Variants in FRMD4B observed in about 807,000 individuals in gnomAD.
FRMD4B encodes the protein FERM domain-containing protein 4B.
In FRMD4B, 74 loss-of-function variants were observed where a neutral mutation model predicts 141.5. The ratio of observed to expected loss-of-function variants is 0.52; its 90% confidence interval spans 0.43 to 0.63. FRMD4B has a LOEUF of 0.63. Among genes scored for constraint, FRMD4B ranks in the 30% least tolerant of loss-of-function variants. The probability of loss-of-function intolerance (pLI) is 0.00; values close to 1 mark genes in which losing one functional copy is unlikely to be tolerated. For synonymous variants in FRMD4B, 506 were observed against 467.9 expected (o/e 1.08, Z -1.05); for missense variants, 1,366 against 1,253.4 (o/e 1.09, Z -1.36).
rs1270266886 is a variant in FRMD4B at position 69,363,392 on chromosome 3, C to CT, written c.162+22435dup. 4.5e-3 allele frequency among the ~76,000 whole-genome samples: 609 copies of CT among 136,406 alleles called. 3 individuals are homozygous for CT. Among genetic ancestry groups the CT allele is most frequent in the South Asian group, 0.021 (88 of 4,204 alleles). 89.5% of individuals were successfully genotyped at this position (136,406 alleles called of 152,430 possible). On this transcript the variant is annotated intron_variant, in intron 1 of 22. Coordinates refer to ENST00000398540, the MANE Select transcript of FRMD4B (RefSeq NM_015123.3). ...GAGCCTCTGCACCTGGCCTCCATGCCTTTTTTTTTTTTTTTGAGACGGAGT... is the reference window on the plus strand; with the variant it reads ...GAGCCTCTGCACCTGGCCTCCATGCCTTTTTTTTTTTTTTTTGAGACGGAGT...
chr3:69,520,779 C>A (rs1700843108), intron 1 of FRMD4B, among the ~76,000 whole-genome samples: 1 of 152,118 alleles, frequency 6.6e-6, no homozygotes, highest in Non-Finnish European at 1.5e-5. Context: ...CTTGAGATCT[C>A]TTCCCAGAAT....
chr3:69,455,424 G>A (rs1298775943), intron 1 of FRMD4B, among the ~76,000 whole-genome samples: 1 of 152,222 alleles, frequency 6.6e-6, no homozygotes, highest in Non-Finnish European at 1.5e-5. Flanking sequence ...AGAACAGTGA[G>A]ACCACGAATG....
chr3:69,424,075 A>G (rs1221774826), intron 2 of FRMD4B, among the ~76,000 whole-genome samples: 1 of 152,224 alleles, frequency 6.6e-6, no homozygotes, highest in Non-Finnish European at 1.5e-5. Flanking sequence ...TTTTGATATG[A>G]GTTCAATGTT....
chr3:69,382,932 C>T (rs558615916), intron 1 of FRMD4B, among the ~76,000 whole-genome samples: 13 of 152,218 alleles, frequency 8.5e-5, no homozygotes, highest in Non-Finnish European at 1.3e-4. Flanking sequence ...TACTGCTAGA[C>T]TTTTCAGCTG....
intron 2 of FRMD4B, among the ~76,000 whole-genome samples, chr3:69,424,825 C>G (rs983390870): frequency 6.6e-6 from 1 of 152,104 alleles, no homozygotes; most frequent in Non-Finnish European, 1.5e-5. Context: ...AATTCTGAAG[C>G]TGATTTCAAG....
intron 1 of FRMD4B, among the ~76,000 whole-genome samples, chr3:69,466,159 T>G (rs766918012): frequency 6.6e-6 from 1 of 152,236 alleles, no homozygotes; most frequent in Non-Finnish European, 1.5e-5. Context: ...GAGCATTCTT[T>G]CATGTGTCTG....
intron 2 of FRMD4B, among the ~76,000 whole-genome samples, chr3:69,426,566 C>G (rs961565813): frequency 2.0e-5 from 3 of 152,072 alleles, no homozygotes; most frequent in African/African-American, 7.2e-5. Context: ...TAATGTCTGT[C>G]CTGGCAGAGG....
In FRMD4B at chr3:69,377,376, G is replaced by A. The variant is rs192617588; in HGVS notation, c.162+8452C>T. Among the ~76,000 whole-genome samples, 6 of 152,296 alleles carry A rather than the reference G, an allele frequency of 3.9e-5. No homozygotes were observed. The East Asian group carries it at 1.2e-3, about 29-fold the overall frequency. ...CAAGCAGTCAGGAGACCTCTCTGAA[G>A]GCTGGCTGTGTTTTAAAGCTAGATT... On this transcript the variant is annotated intron_variant, in intron 1 of 22. Transcript: ENST00000398540.
chr3:69,351,974 G>A (rs529629261), intron 1 of FRMD4B, among the ~76,000 whole-genome samples: 20 of 152,254 alleles, frequency 1.3e-4, no homozygotes, highest in African/African-American at 4.8e-4. Flanking sequence ...CTCTCCATGG[G>A]TGAGACATAG....
intron 11 of FRMD4B, among the ~76,000 whole-genome samples, chr3:69,204,862 T>C (rs946716707): frequency 2.6e-5 from 4 of 152,142 alleles, no homozygotes; most frequent in Non-Finnish European, 4.4e-5. Flanking sequence ...AGTACTATTT[T>C]AGTCTCACTA....
chr3:69,413,091 C>G (rs555715346), intron 2 of FRMD4B, among the ~76,000 whole-genome samples: 4 of 152,022 alleles, frequency 2.6e-5, no homozygotes, highest in Admixed American at 2.6e-4. Flanking sequence ...ACTCTTGATA[C>G]GCAGCACAGT....
In FRMD4B at chr3:69,188,061, C is replaced by T. The variant is rs969958271; in HGVS notation, c.1772-144G>A. ...AGATGATATTTTTAGAAGAACATAACTCTTTCAAGAAGTTAATTTTTATAT... is the reference window on the plus strand; with the variant it reads ...AGATGATATTTTTAGAAGAACATAATTCTTTCAAGAAGTTAATTTTTATAT... On this transcript the variant is annotated intron_variant, in intron 18 of 22. Transcript: ENST00000398540. 7.2e-5 allele frequency: 46 copies of T among 635,478 alleles called. No homozygotes were observed. The East Asian group carries it at 1.3e-3, about 18-fold the overall frequency. The allele number at this position is 635,478 out of a possible 1,614,324, so 39.4% of individuals were successfully genotyped here.
At chr3:69,418,042 T>C (rs185572186) in intron 2 of FRMD4B, among the ~76,000 whole-genome samples, 8 of 152,290 alleles carry the variant, frequency 5.3e-5, no homozygotes, top group Admixed American at 5.2e-4. Context: ...TCTAGAATAA[T>C]TTTTTCATCT....
At chr3:69,515,723 GA>G (rs1700746357) in intron 1 of FRMD4B, among the ~76,000 whole-genome samples, 1 of 152,032 alleles carries the variant, frequency 6.6e-6, no homozygotes, top group African/African-American at 2.4e-5. Flanking sequence ...AATTAATAAA[GA>G]AACCAGAAGG....
rs3032132 is a variant in FRMD4B at position 69,393,329 on chromosome 3, C to CA, written c.-1+39304dup. 1.2e-3 allele frequency among the ~76,000 whole-genome samples: 149 copies of CA among 126,174 alleles called. 6 individuals carry two copies. The highest frequency in any genetic ancestry group is 1.4e-3 in the African/African-American group (45 of 33,200). 82.8% of individuals were successfully genotyped at this position (126,174 alleles called of 152,430 possible). ...GCTATCTATATTGTCTGAAGAAGTA[C>CA]AAAAAAAAAAAAAAAAGAGCGTCAT... is the stretch of plus-strand genomic sequence containing the variant. On this transcript the variant is annotated intron_variant, in intron 2 of 5. Coordinates refer to the FRMD4B transcript ENST00000459638.
At chr3:69,284,847 C>T (rs1219275399) in intron 5 of FRMD4B, among the ~76,000 whole-genome samples, 1 of 152,076 alleles carries the variant, frequency 6.6e-6, no homozygotes, top group African/African-American at 2.4e-5. Context: ...TAAAAAGGAT[C>T]CAAATCAAAC....
At chr3:69,428,284 C>G (rs1195204944) in intron 2 of FRMD4B, among the ~76,000 whole-genome samples, 2 of 151,118 alleles carry the variant, frequency 1.3e-5, no homozygotes, top group Non-Finnish European at 3.0e-5. Context: ...TACATAACCT[C>G]TCTGTTCTCA....
chr3:69,317,246 G>C (rs1484798089), intron 1 of FRMD4B, among the ~76,000 whole-genome samples: 2 of 152,182 alleles, frequency 1.3e-5, no homozygotes, highest in Non-Finnish European at 2.9e-5. Flanking sequence ...TGGTGGCTAG[G>C]TTTTACTTGG....
rs1311095954 is a variant in FRMD4B, at chr3:69,195,257, G to C, written c.1342C>G (p.Leu448Val). The change falls in exon 15 of 23, where the codon CTT becomes GTT. Residue 448 changes from leucine to valine, a missense_variant. Coordinates refer to ENST00000398540, the MANE Select transcript of FRMD4B (RefSeq NM_015123.3). ...GCCTCCCGCAGACAGATCTTCTTAA[G>C]CTCCTCAACTTTTTTCAGAAGTTTT... ...QEKLLKKVEE[L>V]KKICLREAEL... 6.2e-7 allele frequency: 1 copy of C among 1,613,008 alleles called. No homozygotes were observed. The highest frequency in any genetic ancestry group is 2.2e-5 in the East Asian group (1 of 44,868).
Sources: gnomAD v4.1 joint callset for allele counts (sites outside exome capture counted in the v4.1 genomes callset) on GRCh38, gnomAD v4.1.1 for gene constraint, MANE v1.5 for transcripts, NCBI Gene and HGNC (gene_info 2026-07-23, HGNC 2026-07-21) for gene names.